The following RHBDD1 variants were observed in gnomAD, a reference collection of about 807,000 sequenced individuals.
RHBDD1 encodes the protein rhomboid domain containing 1, also known as rhomboid-related protein 4.
RHBDD1 carries 38 observed loss-of-function variants against 36.3 expected under a neutral mutation model. The ratio of observed to expected loss-of-function variants is 1.05; its 90% CI spans 0.81 to 1.37. The LOEUF is 1.37. RHBDD1 is among the 40% of genes most tolerant of loss of function. RHBDD1 has a pLI of 0.00. For synonymous variants in RHBDD1, 151 were observed against 136.5 expected (o/e 1.11, Z -0.74); for missense variants, 393 against 377.6 (o/e 1.04, Z -0.34).
intron 5 of RHBDD1, among the ~76,000 whole-genome samples, chr2:226,900,268 CT>C (rs1257128020): frequency 6.6e-6 from 1 of 152,280 alleles, no homozygotes; most frequent in Admixed American, 6.5e-5. Flanking sequence ...CAATACTTAC[CT>C]TGCTCTCAAG....
intron 8 of RHBDD1, chr2:226,935,188 C>G (rs1308133022): frequency 6.6e-6 from 1 of 152,102 alleles, no homozygotes; most frequent in Non-Finnish European, 1.5e-5. Flanking sequence ...AAACTGATTG[C>G]TGCTTTGTTT....
the RHBDD1 span, among the ~76,000 whole-genome samples, chr2:226,806,611 T>C: frequency 6.6e-6 from 1 of 152,240 alleles, no homozygotes; most frequent in Admixed American, 6.5e-5. Flanking sequence ...AATACATTTA[T>C]AAACACATTG....
At chr2:226,842,746 T>C (rs1255643048) in intron 3 of RHBDD1, among the ~76,000 whole-genome samples, 1 of 152,248 alleles carries the variant, frequency 6.6e-6, no homozygotes, top group African/African-American at 2.4e-5. Context: ...TTCTTTTTGC[T>C]AAGAATTGTT....
chr2:226,887,292 T>C (rs1038565901), intron 5 of RHBDD1, among the ~76,000 whole-genome samples: 1 of 152,242 alleles, frequency 6.6e-6, no homozygotes, highest in Non-Finnish European at 1.5e-5. Flanking sequence ...AAAATGTCTT[T>C]GAGTTTCTCT....
chr2:226,897,644 A>G (rs1947219646), intron 5 of RHBDD1, among the ~76,000 whole-genome samples: 1 of 152,136 alleles, frequency 6.6e-6, no homozygotes, highest in Admixed American at 6.5e-5. Context: ...CGAGAGAGGA[A>G]GAAGTAAGAC....
At chr2:226,825,120 C>T in the RHBDD1 span, among the ~76,000 whole-genome samples, 9 of 152,124 alleles carry the variant, frequency 5.9e-5, no homozygotes, top group Non-Finnish European at 1.0e-4. Context: ...TCATCAAGCA[C>T]ATACACAGCA....
At chr2:226,862,572 C>G (rs903827767) in intron 3 of RHBDD1, among the ~76,000 whole-genome samples, 8 of 152,156 alleles carry the variant, frequency 5.3e-5, no homozygotes, top group African/African-American at 1.9e-4. Flanking sequence ...AAAGACTCTT[C>G]CCTCCAAGCA....
chr2:226,992,113 A>G (rs374283514), intron 8 of RHBDD1, among the ~76,000 whole-genome samples: 11 of 152,346 alleles, frequency 7.2e-5, no homozygotes, highest in East Asian at 3.9e-4. Flanking sequence ...GGAGAGAGGT[A>G]GTAGATCATA....
At chr2:226,939,170 T>C (rs940818764) in intron 8 of RHBDD1, among the ~76,000 whole-genome samples, 1 of 152,276 alleles carries the variant, frequency 6.6e-6, no homozygotes, top group African/African-American at 2.4e-5. Context: ...ACAGCCAATA[T>C]CATACTGAAT....
intron 8 of RHBDD1, among the ~76,000 whole-genome samples, chr2:226,920,504 C>T (rs1379322251): frequency 6.6e-6 from 1 of 152,086 alleles, no homozygotes; most frequent in African/African-American, 2.4e-5. Flanking sequence ...CCCCTTTCAA[C>T]ATGATACTAG....
chr2:226,916,710 C>T (rs1037581108), intron 8 of RHBDD1, among the ~76,000 whole-genome samples: 3 of 152,056 alleles, frequency 2.0e-5, no homozygotes, highest in Non-Finnish European at 4.4e-5. Flanking sequence ...TTAGGCAGCC[C>T]GAGTGAGAAT....
intron 8 of RHBDD1, among the ~76,000 whole-genome samples, chr2:226,980,951 A>G (rs1955592400): frequency 6.6e-6 from 1 of 152,180 alleles, no homozygotes; most frequent in Non-Finnish European, 1.5e-5. Flanking sequence ...AGCAGAGACC[A>G]TTTTAAAATA....
intron 8 of RHBDD1, among the ~76,000 whole-genome samples, chr2:226,968,712 G>C (rs1038392399): frequency 1.1e-4 from 17 of 152,178 alleles, no homozygotes; most frequent in African/African-American, 4.1e-4. Context: ...TTTAAGTGGG[G>C]CAGTTGGCAT....
intron 6 of RHBDD1, chr2:226,908,470 A>G (rs1948233728): frequency 4.6e-6 from 1 of 216,290 alleles, no homozygotes; most frequent in Non-Finnish European, 9.4e-6. Context: ...AAGGTTCTCC[A>G]TTTAGCCAGA....
chr2:226,977,645 G>A (rs185478760), intron 8 of RHBDD1, among the ~76,000 whole-genome samples: 9 of 152,296 alleles, frequency 5.9e-5, no homozygotes, highest in African/African-American at 1.4e-4. Flanking sequence ...GTTGTCATCC[G>A]AGGTAAATAA....
At chr2:226,806,808 A>C in the RHBDD1 span, among the ~76,000 whole-genome samples, 1 of 152,254 alleles carries the variant, frequency 6.6e-6, no homozygotes, top group Non-Finnish European at 1.5e-5. Context: ...CTAAGGTGTC[A>C]TGACCTACAG....
At position 226,979,390 on chromosome 2, in the gene RHBDD1, C is replaced by T. The variant is rs534415720; in HGVS notation, c.857-16041C>T. Among the ~76,000 whole-genome samples the T allele has an allele frequency of 2.0e-5, 3 of 152,236 alleles. No individual in the cohort carries two copies. The South Asian group carries it at 6.2e-4, about 32-fold the overall frequency. On this transcript the variant is annotated intron_variant, in intron 8 of 8. Coordinates refer to ENST00000392062, the MANE Select transcript of RHBDD1 (RefSeq NM_001167608.3). ...AAGCAAGATGGTTCCTGTTAACAGG[C>T]CCCCATCTCACCAATTGAATCCCAG...
At chr2:226,950,296 T>C (rs904013748) in intron 8 of RHBDD1, among the ~76,000 whole-genome samples, 2 of 152,218 alleles carry the variant, frequency 1.3e-5, no homozygotes, top group African/African-American at 4.8e-5. Context: ...ACAGTATTTG[T>C]CTTTCTGTGC....
intron 7 of RHBDD1, 78 bp from the exon 8 acceptor site, chr2:226,914,130 G>T (rs1406388196): frequency 7.6e-7 from 1 of 1,313,392 alleles, no homozygotes; most frequent in African/African-American, 1.5e-5. Flanking sequence ...TTACTCGCTT[G>T]TCTTTGCTTA....
Sources: allele counts gnomAD v4.1 joint callset (sites outside exome capture counted in the v4.1 genomes callset), GRCh38; gene constraint gnomAD v4.1.1; transcripts MANE v1.5; gene names NCBI Gene and HGNC (gene_info 2026-07-23, HGNC 2026-07-21).